Variants in HRH4 observed in about 807,000 individuals in gnomAD.
HRH4 encodes the protein histamine H4 receptor.
HRH4 carries 12 observed loss-of-function variants against 10.4 expected under a neutral mutation model. The observed-to-expected ratio is 1.15, with a 90% CI of 0.74 to 1.87. The LOEUF (loss-of-function observed/expected upper bound fraction) is 1.87, where lower values mean the gene tolerates loss of function less well. Among genes scored for constraint, HRH4 ranks in the 40% most tolerant of loss-of-function variants. HRH4 has a pLI of 0.00. For synonymous variants in HRH4, 154 were observed against 166.6 expected (o/e 0.92, Z 0.58); for missense variants, 415 against 453.3 (o/e 0.92, Z 0.77).
At chr18:24,469,786 G>A (rs2144373940) in intron 2 of HRH4, among the ~76,000 whole-genome samples, 1 of 152,172 alleles carries the variant, frequency 6.6e-6, no homozygotes, top group Admixed American at 6.5e-5. Flanking sequence ...GGCCTCAGGG[G>A]GTATGTGTGC....
In HRH4 at chr18:24,477,253, C is replaced by T. The variant is rs1910167397; in HGVS notation, c.864C>T (p.His288=). The T allele has an allele frequency of 6.2e-7, 1 of 1,614,108 alleles. No homozygotes were observed. Among genetic ancestry groups the T allele is most frequent in the African/African-American group, 1.3e-5 (1 of 74,938 alleles). The change falls in exon 3 of 3, where the codon CAC becomes CAT. Residue 288 remains histidine, a synonymous_variant. Coordinates refer to ENST00000256906, the MANE Select transcript of HRH4 (RefSeq NM_021624.4). ...CCCAATCAGATTCTGTAGCTCTTCA[C>T]CAAAGGGAACATGTTGAACTGCTTA... ...SFSQSDSVAL[H]QREHVELLRA...
intron 1 of HRH4, among the ~76,000 whole-genome samples, chr18:24,468,174 C>G (rs1275856890): frequency 6.6e-6 from 1 of 151,936 alleles, no homozygotes; most frequent in Non-Finnish European, 1.5e-5. Flanking sequence ...TTCCATATAA[C>G]CTATGTACAT....
chr18:24,476,025 A>G (rs1277109845), intron 2 of HRH4, among the ~76,000 whole-genome samples: 1 of 152,138 alleles, frequency 6.6e-6, no homozygotes, highest in Non-Finnish European at 1.5e-5. Context: ...AAAATAAAAT[A>G]AAAACTAAAA....
chr18:24,464,928 G>A lies in HRH4; in HGVS notation c.194-3860G>A, dbSNP rs187055297. Among the ~76,000 whole-genome samples, 772 of 152,118 alleles carry A rather than the reference G, an allele frequency of 5.1e-3. 5 individuals carry two copies. The highest frequency in any genetic ancestry group is 6.2e-3 in the Non-Finnish European group (423 of 68,006). On this transcript the variant is annotated intron_variant, in intron 1 of 2. Coordinates refer to ENST00000256906, the MANE Select transcript of HRH4 (RefSeq NM_021624.4). ...CTACTGAAAAAAATGCAGAGAGGAG[G>A]GAAAGGGAGTGTGCTGGGAGTGGGG...
chr18:24,466,730 A>G (rs1909787083), intron 1 of HRH4, among the ~76,000 whole-genome samples: 1 of 152,100 alleles, frequency 6.6e-6, no homozygotes, highest in Admixed American at 6.6e-5. Context: ...ACTATTCTTA[A>G]TAATAGACTA....
At position 24,460,848 on chromosome 18, in the gene HRH4, T is replaced by G. The variant is rs1402626198; in HGVS notation, c.120T>G (p.Phe40Leu). 6.3e-7 allele frequency: 1 copy of G among 1,590,722 alleles called. No individual in the cohort carries two copies. Among genetic ancestry groups the G allele is most frequent in the Non-Finnish European group, 8.6e-7 (1 of 1,163,740 alleles). The change falls in exon 1 of 3, where the codon TTT becomes TTG. Residue 40 changes from phenylalanine to leucine, a missense_variant. Transcript: ENST00000256906. ...MLGNALVILAFVVDKNLRHRS... is the reference protein window; with the variant it reads ...MLGNALVILALVVDKNLRHRS... ...GAAATGCTTTGGTCATTTTAGCTTT[T>G]GTGGTGGACAAAAACCTTAGACATC...
At position 24,468,886 on chromosome 18, in the gene HRH4, T is replaced by G; in HGVS notation, c.292T>G (p.Cys98Gly). ...TTGGCTCACTACTGACTATCTGTTA[T>G]GTACAGCATCTGTATATAACATTGT... ...VFWLTTDYLL[C>G]TASVYNIVLI... The change falls in exon 2 of 3, where the codon TGT becomes GGT. Residue 98 changes from cysteine (C) to glycine (G), a missense_variant. Cys to Gly is a radical substitution (Grantham distance 159). Transcript: ENST00000256906. The G allele has an allele frequency of 6.2e-7, 1 of 1,613,848 alleles. No individual in the cohort carries two copies. Among genetic ancestry groups the G allele is most frequent in the South Asian group, 1.1e-5 (1 of 91,056 alleles).
chr18:24,479,168 ATTGCCGTGT>A lies in HRH4; in HGVS notation c.*1608_*1616del, dbSNP rs1228585450. 1.3e-5 allele frequency: 2 copies of A among 151,578 alleles called. No homozygotes were observed. The highest frequency in any genetic ancestry group is 1.3e-4 in the Admixed American group (2 of 15,224). 9.4% of individuals were successfully genotyped at this position (151,578 alleles called of 1,614,324 possible). A position where few individuals can be genotyped will look rare whatever the true frequency, so the allele number is the denominator to read the frequency against. On this transcript the variant is annotated 3_prime_UTR_variant, in exon 3 of 3. Transcript: ENST00000256906. ...TTTTTTAATTTTGATAAGACAGGGT[ATTGCCGTGT>A]TGGCCAGACTGGTCTCAAACTCCTG...
chr18:24,471,333 G>A (rs1346051268), intron 2 of HRH4, among the ~76,000 whole-genome samples: 1 of 151,644 alleles, frequency 6.6e-6, no homozygotes, highest in African/African-American at 2.4e-5. Context: ...AGCTGAGCAT[G>A]TTGGCTCACG....
In HRH4 at chr18:24,479,206, T is replaced by G. The variant is rs1910240353; in HGVS notation, c.*1644T>G. ...CCAGACTGGTCTCAAACTCCTGGGC[T>G]GAAACAATCCTCCCGCCTTGGCCTC... On this transcript the variant is annotated 3_prime_UTR_variant, in exon 3 of 3. Transcript: ENST00000256906. The G allele has an allele frequency of 6.6e-6, 1 of 152,124 alleles. No homozygotes were observed. Among genetic ancestry groups the G allele is most frequent in the Non-Finnish European group, 1.5e-5 (1 of 68,030 alleles). 9.4% of individuals were successfully genotyped at this position (152,124 alleles called of 1,614,324 possible). A position where few individuals can be genotyped will look rare whatever the true frequency, so the allele number is the denominator to read the frequency against.
chr18:24,461,648 A>G (rs1451393362), intron 1 of HRH4, among the ~76,000 whole-genome samples: 1 of 152,220 alleles, frequency 6.6e-6, no homozygotes. Context: ...TGGCATATTC[A>G]GATTATTTTT....
rs577319007 is a variant in HRH4, at chr18:24,476,836, A to T, written c.447A>T (p.Pro149=). The change falls in exon 3 of 3, where the codon CCA becomes CCT. Residue 149 remains proline (P), a synonymous_variant. Coordinates refer to ENST00000256906, the MANE Select transcript of HRH4 (RefSeq NM_021624.4). ...TGCTGGCCTTCTTAGTGAATGGGCCAATGATTCTAGTTTCAGAGTCTTGGA... is the reference window on the plus strand; with the variant it reads ...TGCTGGCCTTCTTAGTGAATGGGCCTATGATTCTAGTTTCAGAGTCTTGGA... The part of the protein sequence containing the change: ...VWVLAFLVNG[P]MILVSESWKD... 1 of 1,614,240 alleles carries T rather than the reference A, an allele frequency of 6.2e-7. No homozygotes were observed. The highest frequency in any genetic ancestry group is 1.7e-5 in the Admixed American group (1 of 60,028).
At chr18:24,462,343 G>A (rs1339341257) in intron 1 of HRH4, among the ~76,000 whole-genome samples, 2 of 152,164 alleles carry the variant, frequency 1.3e-5, no homozygotes, top group African/African-American at 2.4e-5. Context: ...TTTAAAACAG[G>A]AGAGTGGTTG....
rs184182999 is a variant in HRH4, at chr18:24,470,397, G to A, written c.357+1446G>A. On this transcript the variant is annotated intron_variant, in intron 2 of 2. Transcript: ENST00000256906. ...GTTGCAACTGCTCAAATGTGCCATCGTAGCCCCCAAACAGCCATAGATGAT... is the reference window on the plus strand; with the variant it reads ...GTTGCAACTGCTCAAATGTGCCATCATAGCCCCCAAACAGCCATAGATGAT... Among the ~76,000 whole-genome samples the A allele has an allele frequency of 3.4e-3, 516 of 151,988 alleles. 4 individuals are homozygous for A. The highest frequency in any genetic ancestry group is 0.012 in the African/African-American group (495 of 41,446).
chr18:24,465,820 A>G (rs1214055306), intron 1 of HRH4, among the ~76,000 whole-genome samples: 2 of 152,204 alleles, frequency 1.3e-5, no homozygotes, highest in Non-Finnish European at 2.9e-5. Context: ...TGTTTCCAGC[A>G]GCTCCTAGGC....
chr18:24,474,736 G>C (rs550537929), intron 2 of HRH4, among the ~76,000 whole-genome samples: 1 of 151,418 alleles, frequency 6.6e-6, no homozygotes, highest in African/African-American at 2.4e-5. Context: ...CACCAGGCTG[G>C]AGTGCAGTGG....
intron 1 of HRH4, among the ~76,000 whole-genome samples, chr18:24,467,475 G>A (rs910551234): frequency 2.0e-5 from 3 of 152,110 alleles, no homozygotes; most frequent in African/African-American, 4.8e-5. Context: ...CAAGAAAGAG[G>A]GCATGGAGGA....
Position 24,477,685 on chromosome 18 carries a change from C to T in HRH4, c.*123C>T, listed in dbSNP as rs1174699461. 1.6e-5 allele frequency: 10 copies of T among 622,258 alleles called. No homozygotes were observed. In the East Asian group the frequency reaches 2.5e-4, roughly 15 times the overall value. The allele number at this position is 622,258 out of a possible 1,614,324, so 38.5% of individuals were successfully genotyped here. The stretch of plus-strand genomic sequence containing the variant: ...GCACTTTGAAGTCAATGGTAAATTA[C>T]TCCAGTGAATAATAGCAGTATAATA... On this transcript the variant is annotated 3_prime_UTR_variant, in exon 3 of 3. Transcript: ENST00000256906.
In HRH4 at chr18:24,460,873, C is replaced by T. The variant is rs765269581; in HGVS notation, c.145C>T (p.Arg49Ter). 8.8e-6 allele frequency: 14 copies of T among 1,586,990 alleles called. No individual in the cohort carries two copies. The highest frequency in any genetic ancestry group is 6.7e-5 in the Admixed American group (4 of 59,580). Residue 49 changes from arginine (R) to a stop codon, truncating the protein, a stop_gained, in exon 1 of 3, where the codon CGA (arginine) becomes TGA (stop). Transcript: ENST00000256906. LOFTEE classifies it high-confidence loss of function. ...AFVVDKNLRH[R>*]SSYFFLNLAI... ...TGTGGTGGACAAAAACCTTAGACAT[C>T]GAAGTAGTTATTTTTTTCTTAACTT...
Sources: gnomAD v4.1 joint callset for allele counts (sites outside exome capture counted in the v4.1 genomes callset) on GRCh38, gnomAD v4.1.1 for gene constraint, MANE v1.5 for transcripts, NCBI Gene and HGNC (gene_info 2026-07-23, HGNC 2026-07-21) for gene names.